The following AMOTL1 variants were observed in gnomAD, a reference collection of about 807,000 sequenced individuals.
The protein encoded by AMOTL1 is angiomotin-like protein 1.
A neutral mutation model predicts 102.9 loss-of-function variants in AMOTL1; 45 were observed. That is an observed-to-expected ratio of 0.44 (90% confidence interval 0.34 to 0.56). The LOEUF is 0.56. Among genes scored for constraint, AMOTL1 ranks in the 20% least tolerant of loss-of-function variants. AMOTL1 has a pLI of 0.01. For synonymous variants in AMOTL1, 481 were observed against 484.7 expected (o/e 0.99, Z 0.10); for missense variants, 1,114 against 1,225.6 (o/e 0.91, Z 1.36).
chr11:94,818,051 A>T (rs1951795423), intron 3 of AMOTL1, among the ~76,000 whole-genome samples: 1 of 152,224 alleles, frequency 6.6e-6, no homozygotes, highest in African/African-American at 2.4e-5. Flanking sequence ...ACTATTTGCA[A>T]GTATATTTAA....
intron 1 of AMOTL1, among the ~76,000 whole-genome samples, chr11:94,789,016 C>G (rs2135547990): frequency 6.6e-6 from 1 of 152,294 alleles, no homozygotes; most frequent in Non-Finnish European, 1.5e-5. Context: ...GGTTGGGAAT[C>G]TTGTAAACCC....
chr11:94,860,482 C>T (rs1209518151), intron 9 of AMOTL1, among the ~76,000 whole-genome samples: 1 of 152,106 alleles, frequency 6.6e-6, no homozygotes, highest in Non-Finnish European at 1.5e-5. Context: ...AAAAAGCTCC[C>T]AAATGTTCTG....
At chr11:94,855,618 G>A (rs28733014) in intron 8 of AMOTL1, among the ~76,000 whole-genome samples, 1,808 of 152,246 alleles carry the variant, frequency 0.012, 36 homozygotes, top group African/African-American at 0.04. Flanking sequence ...TTAATATGCC[G>A]TCCACACCCT....
At chr11:94,732,829 G>A (rs927361199) in intron 2 of AMOTL1, among the ~76,000 whole-genome samples, 5 of 152,298 alleles carry the variant, frequency 3.3e-5, no homozygotes, top group East Asian at 1.9e-4. Context: ...TGGGAAACAC[G>A]GCCTGGCAGC....
chr11:94,817,136 A>T (rs1175337965), intron 3 of AMOTL1, among the ~76,000 whole-genome samples: 2 of 152,132 alleles, frequency 1.3e-5, no homozygotes, highest in Admixed American at 1.3e-4. Context: ...TAAAAGACAC[A>T]TTTAATTGGC....
intron 1 of AMOTL1, among the ~76,000 whole-genome samples, chr11:94,717,199 G>A (rs185102637): frequency 6.6e-6 from 1 of 151,658 alleles, no homozygotes; most frequent in African/African-American, 2.4e-5. Context: ...ACAATCATCT[G>A]TTGAGTTATT....
chr11:94,710,771 T>A (rs1413506962), intron 1 of AMOTL1, among the ~76,000 whole-genome samples: 1 of 152,184 alleles, frequency 6.6e-6, no homozygotes, highest in Non-Finnish European at 1.5e-5. Flanking sequence ...TTTTTGCTCC[T>A]AAATGCATTT....
intron 6 of AMOTL1, among the ~76,000 whole-genome samples, chr11:94,833,157 A>C (rs1164647242): frequency 6.6e-6 from 1 of 152,204 alleles, no homozygotes; most frequent in Non-Finnish European, 1.5e-5. Context: ...GACCAGAGGC[A>C]TTTTTCAACT....
intron 6 of AMOTL1, among the ~76,000 whole-genome samples, chr11:94,835,881 T>C (rs1380887811): frequency 2.0e-5 from 3 of 152,252 alleles, no homozygotes; most frequent in East Asian, 3.8e-4. Context: ...GTCAGAACTA[T>C]ATGCATTTGA....
chr11:94,788,013 G>T (rs1183019868), intron 1 of AMOTL1, among the ~76,000 whole-genome samples: 1 of 152,204 alleles, frequency 6.6e-6, no homozygotes, highest in African/African-American at 2.4e-5. Flanking sequence ...GACTCCAGGG[G>T]ATAGTGCTAT....
intron 1 of AMOTL1, among the ~76,000 whole-genome samples, chr11:94,724,784 A>C (rs530551552): frequency 1.3e-5 from 2 of 152,240 alleles, no homozygotes; most frequent in African/African-American, 2.4e-5. Flanking sequence ...TTTGTATGTC[A>C]GTATATATAC....
chr11:94,768,181 C>A, upstream of AMOTL1: 1 of 787,010 alleles, frequency 1.3e-6, no homozygotes, highest in Non-Finnish European at 1.5e-6. Context: ...GAGCTCTGGG[C>A]AATTTCAGCC....
At chr11:94,718,212 T>C (rs1394364282) in intron 1 of AMOTL1, among the ~76,000 whole-genome samples, 1 of 151,992 alleles carries the variant, frequency 6.6e-6, no homozygotes, top group African/African-American at 2.4e-5. Flanking sequence ...GTTTTGCACC[T>C]GGCTTTTTAC....
intron 9 of AMOTL1, among the ~76,000 whole-genome samples, chr11:94,860,131 T>C (rs1329761594): frequency 6.6e-6 from 1 of 152,200 alleles, no homozygotes; most frequent in Non-Finnish European, 1.5e-5. Context: ...TGAAAGTATA[T>C]TTAAGGCACT....
intron 4 of AMOTL1, among the ~76,000 whole-genome samples, chr11:94,828,842 C>G (rs1174374790): frequency 2.0e-5 from 3 of 152,090 alleles, no homozygotes; most frequent in Non-Finnish European, 4.4e-5. Flanking sequence ...GATCTGGGAC[C>G]CAGTGAAGGG....
chr11:94,729,158 T>A, intron 2 of AMOTL1: 1 of 833,306 alleles, frequency 1.2e-6, no homozygotes, highest in Non-Finnish European at 1.7e-6. Context: ...TGTTTGTCTT[T>A]TCAAAAGCAG....
rs570862954 is a variant in AMOTL1, at chr11:94,807,038, A to G, written c.1121+6727A>G. Among the ~76,000 whole-genome samples the G allele has an allele frequency of 2.6e-5, 4 of 152,272 alleles. No individual in the cohort carries two copies. In the East Asian group the frequency reaches 7.7e-4, roughly 29 times the overall value. ...CTGATTTTTTTTCCCTAAAACTATT[A>G]GGTTGGTGCAAAAGTAATTATGGTT... is the stretch of plus-strand genomic sequence containing the variant. On this transcript the variant is annotated intron_variant, in intron 3 of 12. Transcript: ENST00000433060.
intron 6 of AMOTL1, among the ~76,000 whole-genome samples, chr11:94,841,688 A>C (rs1438419558): frequency 6.6e-6 from 1 of 152,234 alleles, no homozygotes. Context: ...AAAACAAAAT[A>C]AAGTGAAAGG....
chr11:94,829,000 T>A (rs898457831), intron 4 of AMOTL1, among the ~76,000 whole-genome samples: 1 of 152,250 alleles, frequency 6.6e-6, no homozygotes, highest in African/African-American at 2.4e-5. Context: ...ATGGGATTTA[T>A]TGATATCTAC....
Sources: allele counts gnomAD v4.1 joint callset (sites outside exome capture counted in the v4.1 genomes callset), GRCh38; gene constraint gnomAD v4.1.1; transcripts MANE v1.5; gene names NCBI Gene and HGNC (gene_info 2026-07-23, HGNC 2026-07-21).